EED: variants seen among roughly 807,000 people sequenced by gnomAD.
EED encodes polycomb protein EED.
A neutral mutation model predicts 61.0 loss-of-function variants in EED; 9 were observed. The ratio of observed to expected loss-of-function variants is 0.15; its 90% confidence interval spans 0.09 to 0.26. The LOEUF is 0.26. Ranked by LOEUF, EED falls within the 10% of genes least tolerant of loss-of-function variation. The pLI, the probability that EED is intolerant of heterozygous loss-of-function variation, is 1.00. For missense variants in EED, 315 were observed against 542.3 expected (o/e 0.58, Z 4.16); for synonymous variants, 187 against 174.4 (o/e 1.07, Z -0.57).
intron 9 of EED, among the ~76,000 whole-genome samples, chr11:86,273,934 C>T (rs1001812472): frequency 2.6e-5 from 4 of 152,162 alleles, no homozygotes; most frequent in Non-Finnish European, 5.9e-5. Context: ...GTTTGGGGTT[C>T]ACTGACATTC....
intron 8 of EED, 100 bp from the exon 9 acceptor site, chr11:86,268,356 C>T: frequency 4.2e-6 from 3 of 707,658 alleles, no homozygotes; most frequent in African/African-American, 1.8e-5. Context: ...AATAGTCTTA[C>T]ATTTTGTTTT....
chr11:86,252,110 A>G (rs1463882167), intron 2 of EED, 38 bp from the exon 3 acceptor site: 4 of 1,548,558 alleles, frequency 2.6e-6, no homozygotes, highest in East Asian at 2.3e-5. Context: ...GGTTTGTAAG[A>G]TACATTAATC....
intron 6 of EED, among the ~76,000 whole-genome samples, chr11:86,259,748 A>T (rs1337450285): frequency 6.6e-6 from 1 of 152,254 alleles, no homozygotes; most frequent in African/African-American, 2.4e-5. Flanking sequence ...ACATGAAAAG[A>T]TGTTTAACAT....
chr11:86,257,121 C>T (rs1410786233), intron 5 of EED, among the ~76,000 whole-genome samples: 2 of 151,556 alleles, frequency 1.3e-5, no homozygotes, highest in African/African-American at 2.4e-5. Flanking sequence ...CACTGCAGCC[C>T]GTCTCCTGGG....
At chr11:86,274,191 C>A (rs1220419189) in intron 9 of EED, among the ~76,000 whole-genome samples, 1 of 151,412 alleles carries the variant, frequency 6.6e-6, no homozygotes, top group Non-Finnish European at 1.5e-5. Context: ...GATATTGAGC[C>A]CATCAATTGA....
In EED at chr11:86,266,127, T is replaced by C. The variant is rs577614545; in HGVS notation, c.771T>C (p.Asp257=). 2 of 1,608,684 alleles carry C rather than the reference T, an allele frequency of 1.2e-6. No homozygotes were observed. The highest frequency in any genetic ancestry group is 4.5e-5 in the East Asian group (2 of 44,588). ...LGEKIMSCGM[D]HSLKLWRINS... is the part of the protein sequence containing the mutation. The stretch of plus-strand genomic sequence containing the variant: ...AAAAAATAATGTCCTGTGGTATGGA[T>C]CATTCTCTTAAACTTTGGAGGATCA... The change falls in exon 8 of 12, where the codon GAT becomes GAC. Residue 257 remains aspartate (D), a synonymous_variant. Coordinates refer to ENST00000263360, the MANE Select transcript of EED (RefSeq NM_003797.5).
the EED span, among the ~76,000 whole-genome samples, chr11:86,287,155 A>G: frequency 0.033 from 4,968 of 151,660 alleles, 120 homozygotes; most frequent in Non-Finnish European, 0.051. Flanking sequence ...CAACCTGCCC[A>G]TGGATCTCAG....
At chr11:86,252,868 T>G (rs1945570707) in intron 3 of EED, among the ~76,000 whole-genome samples, 1 of 152,090 alleles carries the variant, frequency 6.6e-6, no homozygotes, top group African/African-American at 2.4e-5. Context: ...CAGGTGATCC[T>G]CCCATGTCAG....
chr11:86,270,188 C>G (rs532186269), intron 9 of EED: 18 of 698,196 alleles, frequency 2.6e-5, no homozygotes, highest in Non-Finnish European at 4.7e-5. Flanking sequence ...TTTAGCTGTT[C>G]TGATAGGTGT....
At position 86,268,459 on chromosome 11, in the gene EED, A is replaced by T; in HGVS notation, c.864A>T (p.Pro288=). 1.3e-6 allele frequency: 2 copies of T among 1,578,022 alleles called. No individual in the cohort carries two copies. The highest frequency in any genetic ancestry group is 1.7e-6 in the Non-Finnish European group (2 of 1,155,652). Residue 288 remains proline, a synonymous_variant, in exon 9 of 12, where the codon CCA becomes CCT. Coordinates refer to ENST00000263360, the MANE Select transcript of EED (RefSeq NM_003797.5). ...YDYNPNKTNR[P]FISQKIHFPD... is the part of the protein sequence containing the mutation. ...TACATTTCCATTCTTCCTTCAGGCCATTTATTTCTCAGAAAATCCATTTTC... is the reference window on the plus strand; with the variant it reads ...TACATTTCCATTCTTCCTTCAGGCCTTTTATTTCTCAGAAAATCCATTTTC...
intron 6 of EED, among the ~76,000 whole-genome samples, chr11:86,261,226 A>G (rs1945818758): frequency 1.3e-5 from 2 of 152,214 alleles, no homozygotes; most frequent in South Asian, 4.1e-4. Context: ...CATAGGATAG[A>G]CAGTCCCTTC....
intron 6 of EED, among the ~76,000 whole-genome samples, chr11:86,261,221 G>T (rs895814530): frequency 3.9e-5 from 6 of 152,194 alleles, no homozygotes; most frequent in African/African-American, 1.4e-4. Flanking sequence ...ATAAGCATAG[G>T]ATAGACAGTC....
At position 86,245,271 on chromosome 11, in the gene EED, C is replaced by A. The variant is rs1416891719; in HGVS notation, c.42C>A (p.Asp14Glu). ...TGTCGACTGCGCCGGCGGGAACAGA[C>A]ATGCCTGCGGCCAAGAAGCAGAAGC... The part of the protein sequence containing the change: ...REVSTAPAGT[D>E]MPAAKKQKLS... The change falls in exon 1 of 12, where the codon GAC becomes GAA. Residue 14 changes from aspartate to glutamate, a missense_variant. By Grantham distance (45) the Asp-to-Glu change is conservative. Around this residue, in one of 2 missense-constraint regions of EED, gnomAD observed 110 missense variants for 86.9 expected, o/e 1.27. Transcript: ENST00000263360. 1 of 1,613,474 alleles carries A rather than the reference C, an allele frequency of 6.2e-7. No individual in the cohort carries two copies. Among genetic ancestry groups the A allele is most frequent in the Non-Finnish European group, 8.5e-7 (1 of 1,179,968 alleles).
chr11:86,278,802 A>T lies in EED; in HGVS notation c.*277A>T, dbSNP rs1946287504. The T allele has an allele frequency of 1.1e-5, 3 of 277,772 alleles. No individual in the cohort carries two copies. The highest frequency in any genetic ancestry group is 2.0e-5 in the Non-Finnish European group (3 of 149,578). 17.2% of individuals were successfully genotyped at this position (277,772 alleles called of 1,614,324 possible). On this transcript the variant is annotated 3_prime_UTR_variant, in exon 12 of 12. Coordinates refer to ENST00000263360, the MANE Select transcript of EED (RefSeq NM_003797.5). ...GTTAAAAGTAATAAAATTATGCCTTATCTTTTTATAATGGTTGTTTTTTGT... is the reference window on the plus strand; with the variant it reads ...GTTAAAAGTAATAAAATTATGCCTTTTCTTTTTATAATGGTTGTTTTTTGT...
rs770706958 is a variant in EED, at chr11:86,277,898, T to C, written c.1126-20T>C. 3.3e-6 allele frequency: 5 copies of C among 1,507,096 alleles called. No homozygotes were observed. In the Admixed American group the frequency reaches 1.3e-4, roughly 39 times the overall value. The allele number at this position is 1,507,096 out of a possible 1,614,324, so 93.4% of individuals were successfully genotyped here. On this transcript the variant is annotated intron_variant, in intron 10 of 11. Coordinates refer to ENST00000263360, the MANE Select transcript of EED (RefSeq NM_003797.5). ...TGGTAATTTTATTAATTTGATGTTT[T>C]TAAAAATATGTTTATACAGATGCTT...
intron 6 of EED, among the ~76,000 whole-genome samples, chr11:86,261,689 C>T (rs1419580876): frequency 3.3e-5 from 5 of 152,244 alleles, no homozygotes; most frequent in African/African-American, 4.8e-5. Context: ...TTCTCTGCAT[C>T]TGCAGACTTA....
intron 8 of EED, among the ~76,000 whole-genome samples, chr11:86,266,478 A>G (rs912894237): frequency 2.0e-5 from 3 of 152,104 alleles, no homozygotes; most frequent in Non-Finnish European, 4.4e-5. Flanking sequence ...GTATTTTGGT[A>G]TGCATATGCT....
chr11:86,258,862 T>G (rs776793244), intron 6 of EED, among the ~76,000 whole-genome samples: 5 of 147,962 alleles, frequency 3.4e-5, no homozygotes, highest in Non-Finnish European at 7.5e-5. Flanking sequence ...TGCCTCTATT[T>G]ATTTATTTAT....
chr11:86,275,262 C>T (rs1388892328), intron 9 of EED, among the ~76,000 whole-genome samples: 1 of 152,144 alleles, frequency 6.6e-6, no homozygotes, highest in Admixed American at 6.5e-5. Flanking sequence ...AACACATCTG[C>T]TACATTGTTC....
Sources: allele counts gnomAD v4.1 joint callset (sites outside exome capture counted in the v4.1 genomes callset), GRCh38; gene constraint gnomAD v4.1.1; regional missense constraint gnomAD v4.1.1; transcripts MANE v1.5; gene names NCBI Gene and HGNC (gene_info 2026-07-23, HGNC 2026-07-21).